XKR9: variants seen among roughly 807,000 people sequenced by gnomAD.
XKR9 encodes XK-related protein 9.
A neutral mutation model predicts 32.0 loss-of-function variants in XKR9; 32 were observed. The ratio of observed to expected loss-of-function variants is 1.00; its 90% CI spans 0.76 to 1.34. The LOEUF (loss-of-function observed/expected upper bound fraction) is 1.34, where lower values mean the gene tolerates loss of function less well. XKR9 is among the 40% of genes most tolerant of loss of function. The probability of loss-of-function intolerance (pLI) is 0.00; values close to 1 mark genes in which losing one functional copy is unlikely to be tolerated. For synonymous variants in XKR9, 168 were observed against 143.4 expected (o/e 1.17, Z -1.22); for missense variants, 546 against 429.7 (o/e 1.27, Z -2.39).
chr8:70,831,290 C>CA, the XKR9 span, among the ~76,000 whole-genome samples: 531 of 104,288 alleles, frequency 5.1e-3, 2 homozygotes, highest in African/African-American at 0.014. Context: ...GACTCTGTCT[C>CA]AAAAAAAAAA....
At chr8:70,739,891 G>C (rs1424948759), downstream of XKR9, among the ~76,000 whole-genome samples, 3 of 152,140 alleles carry the variant, frequency 2.0e-5, no homozygotes, top group Non-Finnish European at 4.4e-5. Context: ...CTCTCTGGCT[G>C]CCCTTAACAT....
the XKR9 span, among the ~76,000 whole-genome samples, chr8:70,856,871 C>G: frequency 6.6e-6 from 1 of 152,162 alleles, no homozygotes; most frequent in Admixed American, 6.6e-5. Flanking sequence ...TCCAGAATGA[C>G]TACTGGGTAC....
chr8:70,827,238 T>C, the XKR9 span, among the ~76,000 whole-genome samples: 1 of 152,190 alleles, frequency 6.6e-6, no homozygotes, highest in Non-Finnish European at 1.5e-5. Context: ...TATATATGTG[T>C]ACATGTGATT....
the XKR9 span, among the ~76,000 whole-genome samples, chr8:70,806,430 CAGA>C: frequency 6.6e-6 from 1 of 152,128 alleles, no homozygotes; most frequent in African/African-American, 2.4e-5. Flanking sequence ...GACAAATAGA[CAGA>C]AGTAGGCCTG....
chr8:70,752,823 A>G (rs544792083), intron 2 of XKR9, among the ~76,000 whole-genome samples: 2 of 152,120 alleles, frequency 1.3e-5, no homozygotes, highest in Non-Finnish European at 2.9e-5. Context: ...AGGAAAGATC[A>G]AAAATTGACA....
At chr8:71,052,693 G>C in the XKR9 span, among the ~76,000 whole-genome samples, 1 of 152,178 alleles carries the variant, frequency 6.6e-6, no homozygotes, top group Non-Finnish European at 1.5e-5. Flanking sequence ...CATAGTGCTG[G>C]CTGGGTGCCT....
intron 3 of XKR9, among the ~76,000 whole-genome samples, chr8:70,687,375 CT>C (rs1157488616): frequency 2.6e-5 from 3 of 113,492 alleles, no homozygotes; most frequent in South Asian, 3.5e-4. Context: ...TCCTTTCTTT[CT>C]CTTTCTTTCT....
At chr8:70,841,743 T>C in the XKR9 span, among the ~76,000 whole-genome samples, 1 of 152,184 alleles carries the variant, frequency 6.6e-6, no homozygotes, top group African/African-American at 2.4e-5. Context: ...TTGGCAAAAA[T>C]ATCACATAAA....
At chr8:70,837,080 C>T in the XKR9 span, among the ~76,000 whole-genome samples, 6 of 151,924 alleles carry the variant, frequency 3.9e-5, no homozygotes, top group African/African-American at 1.5e-4. Flanking sequence ...AGGTCTATGA[C>T]GAGCGGGTTA....
chr8:70,923,396 T>C, the XKR9 span, among the ~76,000 whole-genome samples: 1 of 152,196 alleles, frequency 6.6e-6, no homozygotes, highest in Admixed American at 6.5e-5. Context: ...GGGGTATCAA[T>C]AAGTAAATCA....
chr8:70,669,952 T>C (rs528821442), intron 1 of XKR9, among the ~76,000 whole-genome samples: 2 of 152,238 alleles, frequency 1.3e-5, no homozygotes, highest in South Asian at 4.1e-4. Context: ...AGGCGTGAGC[T>C]ACCACGCCGG....
At chr8:70,703,914 A>G (rs998852754) in intron 3 of XKR9, among the ~76,000 whole-genome samples, 1 of 152,022 alleles carries the variant, frequency 6.6e-6, no homozygotes, top group African/African-American at 2.4e-5. Context: ...TGGGCGTGGT[A>G]CCTCACGCCT....
chr8:70,887,950 C>T, the XKR9 span, among the ~76,000 whole-genome samples: 4 of 152,090 alleles, frequency 2.6e-5, no homozygotes, highest in Non-Finnish European at 5.9e-5. Flanking sequence ...GCCAGAACTT[C>T]CAATCCTATG....
chr8:70,673,736 G>A, intron 1 of XKR9, among the ~76,000 whole-genome samples: 1 of 151,934 alleles, frequency 6.6e-6, no homozygotes, highest in East Asian at 1.9e-4. Flanking sequence ...CTGCACTCCA[G>A]CCTGAGTGAC....
the XKR9 span, among the ~76,000 whole-genome samples, chr8:70,920,790 A>T: frequency 6.6e-6 from 1 of 152,180 alleles, no homozygotes; most frequent in African/African-American, 2.4e-5. Flanking sequence ...AAAGTCACTT[A>T]GGTTTCTATG....
At chr8:70,906,253 T>G in the XKR9 span, among the ~76,000 whole-genome samples, 57 of 152,366 alleles carry the variant, frequency 3.7e-4, no homozygotes, top group African/African-American at 1.3e-3. Flanking sequence ...CAGGCAGGCC[T>G]CCTTGAGCTG....
At chr8:70,706,515 C>G (rs557770835) in intron 3 of XKR9, among the ~76,000 whole-genome samples, 1 of 152,176 alleles carries the variant, frequency 6.6e-6, no homozygotes, top group East Asian at 1.9e-4. Flanking sequence ...GTTTGTCTTT[C>G]AGAAAGTAGT....
the XKR9 span, among the ~76,000 whole-genome samples, chr8:70,972,356 G>A: frequency 9.9e-5 from 15 of 152,248 alleles, no homozygotes; most frequent in African/African-American, 3.6e-4. Flanking sequence ...AGCTCTAGGA[G>A]CTATTTGCTT....
the XKR9 span, among the ~76,000 whole-genome samples, chr8:70,924,639 T>C: frequency 3.9e-5 from 6 of 152,180 alleles, no homozygotes; most frequent in South Asian, 2.1e-4. Context: ...TACACATATG[T>C]ATATTCACTG....
Sources: allele counts gnomAD v4.1 joint callset (sites outside exome capture counted in the v4.1 genomes callset), GRCh38; gene constraint gnomAD v4.1.1; transcripts MANE v1.5; gene names NCBI Gene and HGNC (gene_info 2026-07-23, HGNC 2026-07-21).